The following ADGRL2 variants were observed in gnomAD, a reference collection of about 807,000 sequenced individuals.
ADGRL2 encodes calcium-independent alpha-latrotoxin receptor 2.
ADGRL2 carries 44 observed loss-of-function variants against 157.4 expected under a neutral mutation model. That is an observed-to-expected ratio of 0.28 (90% CI 0.22 to 0.36). The LOEUF is 0.36. ADGRL2 is among the 10% of genes least tolerant of loss of function. The probability of loss-of-function intolerance (pLI) is 1.00; values close to 1 mark genes in which losing one functional copy is unlikely to be tolerated. For missense variants in ADGRL2, 1,510 were observed against 1,768.9 expected (o/e 0.85, Z 2.63); for synonymous variants, 585 against 624.7 (o/e 0.94, Z 0.95).
intron 3 of ADGRL2, among the ~76,000 whole-genome samples, chr1:81,663,386 C>T (rs1016161028): frequency 4.6e-5 from 7 of 152,112 alleles, no homozygotes; most frequent in Non-Finnish European, 7.4e-5. Context: ...CTCTCGCCTA[C>T]GAATAGAGTA....
chr1:81,596,478 G>T (rs17106766), intron 3 of ADGRL2: 21 of 448,916 alleles, frequency 4.7e-5, no homozygotes, highest in South Asian at 3.7e-4. Flanking sequence ...CGGCTCCAAG[G>T]GTGTTTTTCC....
Position 81,568,443 on chromosome 1 carries a change from G to A in ADGRL2, c.-247-12433G>A, listed in dbSNP as rs368617636. 5.3e-5 allele frequency among the ~76,000 whole-genome samples: 8 copies of A among 152,110 alleles called. No individual in the cohort carries two copies. In the East Asian group the frequency reaches 7.7e-4, roughly 15 times the overall value. On this transcript the variant is annotated intron_variant, in intron 2 of 24. Coordinates refer to the ADGRL2 transcript ENST00000370721. ...GATGAGTTTCTTCAACAGATTCTCTGAATATGCGTTAAAAAACATAAATCA... is the reference window on the plus strand; with the variant it reads ...GATGAGTTTCTTCAACAGATTCTCTAAATATGCGTTAAAAAACATAAATCA...
At chr1:81,559,458 T>C (rs189220244) in intron 2 of ADGRL2, among the ~76,000 whole-genome samples, 14 of 152,116 alleles carry the variant, frequency 9.2e-5, no homozygotes, top group African/African-American at 3.1e-4. Flanking sequence ...TGTTTTTTTT[T>C]TTTTAATGTT....
chr1:81,359,266 C>G (rs951739218), intron 1 of ADGRL2, among the ~76,000 whole-genome samples: 4 of 151,970 alleles, frequency 2.6e-5, no homozygotes, highest in Non-Finnish European at 5.9e-5. Context: ...CATTCTGATA[C>G]GTTTATTGAA....
In ADGRL2 at chr1:81,616,436, G is replaced by T. The variant is rs535025323; in HGVS notation, c.-143+35456G>T. On this transcript the variant is annotated intron_variant, in intron 3 of 24. Transcript: ENST00000370721. Reference sequence around the variant, plus strand: ...GGTCACTGGTTGCCTATTGGGGCTCGATTTCTTCTCTCAGGTACTGAGCCT... The same window carrying T: ...GGTCACTGGTTGCCTATTGGGGCTCTATTTCTTCTCTCAGGTACTGAGCCT... Among the ~76,000 whole-genome samples, 35 of 152,252 alleles carry T rather than the reference G, an allele frequency of 2.3e-4. No homozygotes were observed. In the East Asian group the frequency reaches 4.4e-3, roughly 19 times the overall value.
At chr1:81,482,814 AT>A (rs2078417797) in intron 2 of ADGRL2, among the ~76,000 whole-genome samples, 1 of 151,250 alleles carries the variant, frequency 6.6e-6, no homozygotes, top group Non-Finnish European at 1.5e-5. Context: ...CATTATATAT[AT>A]GTTTTATATA....
At chr1:81,890,303 G>A (rs371064884) in intron 2 of ADGRL2, among the ~76,000 whole-genome samples, 2 of 152,256 alleles carry the variant, frequency 1.3e-5, no homozygotes, top group East Asian at 3.9e-4. Context: ...CAATTCCATA[G>A]TGTAAACAGA....
At chr1:81,703,492 T>C (rs1289810206) in intron 1 of ADGRL2, among the ~76,000 whole-genome samples, 1 of 152,044 alleles carries the variant, frequency 6.6e-6, no homozygotes, top group Non-Finnish European at 1.5e-5. Context: ...TCAGGAAATC[T>C]GAGGTGGAGG....
At chr1:81,503,029 G>C in intron 2 of ADGRL2, 3 of 1,612,544 alleles carry the variant, frequency 1.9e-6, no homozygotes, top group Non-Finnish European at 2.5e-6. Context: ...CCAGCAGGCT[G>C]GTACTCGGAC....
chr1:81,951,462 T>G (rs1255614380), intron 8 of ADGRL2, among the ~76,000 whole-genome samples: 4 of 152,188 alleles, frequency 2.6e-5, no homozygotes, highest in Admixed American at 2.6e-4. Context: ...AGCAGATGTT[T>G]ATATCACACA....
intron 2 of ADGRL2, among the ~76,000 whole-genome samples, chr1:81,552,469 A>G (rs1290240042): frequency 1.3e-5 from 2 of 152,068 alleles, no homozygotes; most frequent in Non-Finnish European, 2.9e-5. Context: ...CACTCAATCA[A>G]TTTCCTTTTC....
intron 2 of ADGRL2, among the ~76,000 whole-genome samples, chr1:81,894,012 T>G (rs1286195330): frequency 6.6e-6 from 1 of 152,196 alleles, no homozygotes; most frequent in Admixed American, 6.5e-5. Context: ...ATTTTGGGAA[T>G]TGGTTTCTGT....
chr1:81,376,570 T>G (rs2076254094), intron 1 of ADGRL2, among the ~76,000 whole-genome samples: 1 of 150,650 alleles, frequency 6.6e-6, no homozygotes, highest in South Asian at 2.1e-4. Context: ...CTCCCTTCCT[T>G]CCCTCCTTCC....
intron 1 of ADGRL2, among the ~76,000 whole-genome samples, chr1:81,352,355 A>C (rs1220340390): frequency 1.3e-5 from 2 of 152,242 alleles, no homozygotes; most frequent in East Asian, 3.8e-4. Context: ...TTAGAATGAC[A>C]CAAAACCCAG....
At chr1:81,788,682 C>T (rs138418165) in intron 2 of ADGRL2, among the ~76,000 whole-genome samples, 2 of 152,202 alleles carry the variant, frequency 1.3e-5, no homozygotes, top group African/African-American at 4.8e-5. Flanking sequence ...CCAAATGCTG[C>T]CAGATCTTTC....
At chr1:81,718,030 G>T (rs1184321187) in intron 1 of ADGRL2, among the ~76,000 whole-genome samples, 1 of 152,124 alleles carries the variant, frequency 6.6e-6, no homozygotes, top group Non-Finnish European at 1.5e-5. Context: ...ACTGCCATTA[G>T]TCTATAAGGT....
intron 1 of ADGRL2, among the ~76,000 whole-genome samples, chr1:81,826,379 T>C (rs1156363029): frequency 3.3e-5 from 5 of 152,210 alleles, no homozygotes; most frequent in Admixed American, 3.3e-4. Flanking sequence ...TTAATACATA[T>C]GACTATATAA....
chr1:81,370,988 T>G (rs2076151869), intron 1 of ADGRL2, among the ~76,000 whole-genome samples: 1 of 152,158 alleles, frequency 6.6e-6, no homozygotes, highest in African/African-American at 2.4e-5. Context: ...AATGGGAATT[T>G]TCAGTATGCT....
intron 1 of ADGRL2, among the ~76,000 whole-genome samples, chr1:81,727,283 A>T (rs1435712643): frequency 2.0e-5 from 3 of 152,244 alleles, no homozygotes; most frequent in Non-Finnish European, 2.9e-5. Flanking sequence ...ATATTAAGAC[A>T]TAATTAGTGG....
Sources: gnomAD v4.1 joint callset for allele counts (sites outside exome capture counted in the v4.1 genomes callset) on GRCh38, gnomAD v4.1.1 for gene constraint, MANE v1.5 for transcripts, NCBI Gene and HGNC (gene_info 2026-07-23, HGNC 2026-07-21) for gene names.